PPP3CA: variants seen among roughly 807,000 people sequenced by gnomAD.
PPP3CA encodes the protein CAM-PRP catalytic subunit.
In PPP3CA, 14 loss-of-function variants were observed where a neutral mutation model predicts 66.5. The observed-to-expected ratio is 0.21, with a 90% CI of 0.14 to 0.33. The LOEUF is 0.33. Among genes scored for constraint, PPP3CA ranks in the 10% least tolerant of loss-of-function variants. PPP3CA has a pLI of 1.00. For missense variants in PPP3CA, 317 were observed against 639.5 expected, an observed-to-expected ratio of 0.50 and a Z score of 5.44; for synonymous variants, 232 against 226.2, an observed-to-expected ratio of 1.03 and a Z score of -0.23.
chr4:101,068,962 T>G (rs951329010), intron 8 of PPP3CA, among the ~76,000 whole-genome samples: 1 of 152,192 alleles, frequency 6.6e-6, no homozygotes, highest in African/African-American at 2.4e-5. Context: ...GGAAAGTTAA[T>G]GTTTATATTG....
intron 10 of PPP3CA, among the ~76,000 whole-genome samples, chr4:101,052,264 A>G (rs1375628999): frequency 6.6e-6 from 1 of 152,088 alleles, no homozygotes. Context: ...ATAGCTAACC[A>G]GGTAAAAGCT....
intron 1 of PPP3CA, among the ~76,000 whole-genome samples, chr4:101,320,318 G>T (rs1729000358): frequency 6.6e-6 from 1 of 151,964 alleles, no homozygotes; most frequent in Non-Finnish European, 1.5e-5. Context: ...AACATAAAAT[G>T]TAATCAATTA....
At chr4:101,233,839 T>A (rs1025548752) in intron 1 of PPP3CA, among the ~76,000 whole-genome samples, 2 of 151,686 alleles carry the variant, frequency 1.3e-5, no homozygotes, top group Non-Finnish European at 1.5e-5. Context: ...AAACTAGGGT[T>A]TGTTAATACT....
At chr4:101,088,835 G>A (rs1026761971) in intron 6 of PPP3CA, among the ~76,000 whole-genome samples, 2 of 152,034 alleles carry the variant, frequency 1.3e-5, no homozygotes, top group African/African-American at 4.8e-5. Context: ...AAGAGGAAAG[G>A]CAGCATGGTT....
At chr4:101,178,396 A>G (rs1380091992) in intron 2 of PPP3CA, among the ~76,000 whole-genome samples, 4 of 152,122 alleles carry the variant, frequency 2.6e-5, no homozygotes, top group Non-Finnish European at 4.4e-5. Flanking sequence ...TTAAGCAAAA[A>G]ATCAAAATCT....
At chr4:101,217,633 A>C (rs2851001) in intron 1 of PPP3CA, among the ~76,000 whole-genome samples, 26,133 of 152,086 alleles carry the variant, frequency 0.17, 3,309 homozygotes, top group East Asian at 0.33. Flanking sequence ...GCCAACAGTG[A>C]CAGTAATCTT....
intron 2 of PPP3CA, among the ~76,000 whole-genome samples, chr4:101,181,875 C>T (rs1024301429): frequency 6.6e-6 from 1 of 151,916 alleles, no homozygotes. Flanking sequence ...ACCATGAGCA[C>T]TAGGAAGCCT....
intron 1 of PPP3CA, among the ~76,000 whole-genome samples, chr4:101,213,382 G>A (rs1166083769): frequency 1.3e-5 from 2 of 152,074 alleles, no homozygotes; most frequent in Non-Finnish European, 2.9e-5. Flanking sequence ...ACTGGTTTAA[G>A]TCAAATATGA....
intron 11 of PPP3CA, among the ~76,000 whole-genome samples, chr4:101,033,438 A>G (rs1042704050): frequency 2.6e-5 from 4 of 152,058 alleles, no homozygotes; most frequent in Admixed American, 1.3e-4. Context: ...CTGCTTCCAC[A>G]ATCTGTCTTC....
At chr4:101,091,529 C>T (rs1000350984) in intron 6 of PPP3CA, among the ~76,000 whole-genome samples, 11 of 152,044 alleles carry the variant, frequency 7.2e-5, no homozygotes, top group South Asian at 6.2e-4. Flanking sequence ...CTTTGAAAGA[C>T]GCTTTATAGT....
intron 10 of PPP3CA, among the ~76,000 whole-genome samples, chr4:101,045,325 T>C (rs191048770): frequency 7.2e-5 from 11 of 152,318 alleles, no homozygotes; most frequent in African/African-American, 2.6e-4. Flanking sequence ...GGTAAGAGGA[T>C]ATTGAGTGTA....
chr4:101,106,429 GAAAGAAAGAAAGAAAGA>G (rs1730701484), intron 3 of PPP3CA, among the ~76,000 whole-genome samples: 4 of 11,046 alleles, frequency 3.6e-4, no homozygotes, highest in African/African-American at 1.2e-3. Flanking sequence ...AAGAAAGAAA[GAAAGAAAGAAAGAAAGA>G]AAGAAAGAGA....
At chr4:101,029,852 A>G (rs1330739270) in intron 12 of PPP3CA, among the ~76,000 whole-genome samples, 1 of 150,888 alleles carries the variant, frequency 6.6e-6, no homozygotes, top group African/African-American at 2.4e-5. Context: ...AAAGGAAAAA[A>G]GGAAACGAAT....
intron 2 of PPP3CA, among the ~76,000 whole-genome samples, chr4:101,147,512 G>T (rs2110296055): frequency 6.6e-6 from 1 of 152,226 alleles, no homozygotes; most frequent in South Asian, 2.1e-4. Flanking sequence ...AAGAGAAAAA[G>T]CTGAGCCCAT....
intron 1 of PPP3CA, among the ~76,000 whole-genome samples, chr4:101,324,231 AAGGG>A (rs1336153664): frequency 4.2e-5 from 6 of 141,336 alleles, no homozygotes; most frequent in African/African-American, 1.3e-4. Flanking sequence ...GAAAGGAGGG[AAGGG>A]AGGGAGGGAA....
At chr4:101,031,716 ACT>A (rs57516101) in intron 12 of PPP3CA, among the ~76,000 whole-genome samples, 5,333 of 152,146 alleles carry the variant, frequency 0.035, 310 homozygotes, top group African/African-American at 0.12. Flanking sequence ...AGGAAATGTT[ACT>A]CTTTTTTCAA....
chr4:101,202,822 G>T (rs977396732), intron 1 of PPP3CA, among the ~76,000 whole-genome samples: 10 of 151,986 alleles, frequency 6.6e-5, no homozygotes, highest in Non-Finnish European at 1.2e-4. Flanking sequence ...AATTTACTGG[G>T]TTTTTTTCCT....
At chr4:101,281,295 A>T (rs1727676593) in intron 1 of PPP3CA, among the ~76,000 whole-genome samples, 1 of 152,248 alleles carries the variant, frequency 6.6e-6, no homozygotes, top group South Asian at 2.1e-4. Context: ...ATGCAGCAGT[A>T]GCTGGATAAG....
chr4:101,124,768 AAAG>A (rs1722184797), intron 2 of PPP3CA, among the ~76,000 whole-genome samples: 2 of 130,316 alleles, frequency 1.5e-5, no homozygotes, highest in African/African-American at 6.5e-5. Context: ...AGAAAGAAAG[AAAG>A]AAAGAAAGAA....
Sources: allele counts gnomAD v4.1 joint callset (sites outside exome capture counted in the v4.1 genomes callset), GRCh38; gene constraint gnomAD v4.1.1; transcripts MANE v1.5; gene names NCBI Gene and HGNC (gene_info 2026-07-23, HGNC 2026-07-21).